ARL15: variants seen among roughly 807,000 people sequenced by gnomAD.
ARL15 encodes the protein ADP-ribosylation factor-like protein 15.
Under a neutral mutation model 25.2 loss-of-function variants are expected in ARL15, and 19 were observed. The ratio of observed to expected loss-of-function variants is 0.75; its 90% confidence interval spans 0.53 to 1.10. The LOEUF (loss-of-function observed/expected upper bound fraction) is 1.10, where lower values mean the gene tolerates loss of function less well. Among genes scored for constraint, ARL15 ranks in the 50% least tolerant of loss-of-function variants. The pLI is 0.00. For synonymous variants in ARL15, 94 were observed against 86.8 expected (o/e 1.08, Z -0.46); for missense variants, 220 against 246.0 (o/e 0.89, Z 0.71).
chr5:54,305,624 T>A (rs1758736521), intron 1 of ARL15, among the ~76,000 whole-genome samples: 1 of 152,208 alleles, frequency 6.6e-6, no homozygotes, highest in African/African-American at 2.4e-5. Context: ...TTTTTTCCTA[T>A]ACACACACAC....
At chr5:54,073,625 T>A (rs752439607) in intron 4 of ARL15, among the ~76,000 whole-genome samples, 6 of 152,226 alleles carry the variant, frequency 3.9e-5, no homozygotes, top group Non-Finnish European at 7.3e-5. Flanking sequence ...TGTCTCCTTA[T>A]AAAAGGAAAA....
At chr5:53,941,520 G>A (rs1257219581) in intron 4 of ARL15, among the ~76,000 whole-genome samples, 1 of 152,138 alleles carries the variant, frequency 6.6e-6, no homozygotes, top group Non-Finnish European at 1.5e-5. Context: ...TAGGGCTTTG[G>A]CTAAGTACAT....
intron 2 of ARL15, among the ~76,000 whole-genome samples, chr5:54,158,751 T>C (rs1754315160): frequency 6.6e-6 from 1 of 152,128 alleles, no homozygotes; most frequent in South Asian, 2.1e-4. Flanking sequence ...CAGATGCCTG[T>C]AATCCCAGCT....
At chr5:54,284,325 G>C (rs557918346) in intron 1 of ARL15, among the ~76,000 whole-genome samples, 3 of 152,168 alleles carry the variant, frequency 2.0e-5, no homozygotes, top group Admixed American at 6.5e-5. Flanking sequence ...GGCTGGTCTC[G>C]AACTCCTGAG....
At chr5:54,310,384 G>A (rs1221854072) in intron 1 of ARL15, 48 bp downstream of exon 1, 3 of 1,583,502 alleles carry the variant, frequency 1.9e-6, no homozygotes, top group Middle Eastern at 3.3e-4. Context: ...GGGCCATCGG[G>A]CACGCCGAGA....
rs140638982 is a variant in ARL15 at position 54,029,954 on chromosome 5, G to A, written c.462+83248C>T. On this transcript the variant is annotated intron_variant, in intron 4 of 4. Transcript: ENST00000504924. The stretch of plus-strand genomic sequence containing the variant: ...AGAGCTTGCAGTGAGCAGAGATAGC[G>A]CCACTGCACTCCAGCCTGGGTGACA... Among the ~76,000 whole-genome samples, 1,442 of 152,062 alleles carry A rather than the reference G, an allele frequency of 9.5e-3. 9 individuals are homozygous for A. Among genetic ancestry groups the A allele is most frequent in the Admixed American group, 0.016 (244 of 15,266 alleles).
rs184749464 is a variant in ARL15, at chr5:53,989,072, G to A, written c.463-102359C>T. ...TATAACAGGATTTGGGGAGGAGAAT[G>A]GATAATTGAAAGAGTCCAGACTATG... On this transcript the variant is annotated intron_variant, in intron 4 of 4. Coordinates refer to ENST00000504924, the MANE Select transcript of ARL15 (RefSeq NM_019087.3). Among the ~76,000 whole-genome samples, 31 of 152,222 alleles carry A rather than the reference G, an allele frequency of 2.0e-4. 1 individual carries two copies. Among genetic ancestry groups the A allele is most frequent in the African/African-American group, 7.2e-4 (30 of 41,546 alleles).
intron 4 of ARL15, among the ~76,000 whole-genome samples, chr5:53,953,281 A>ACCTT (rs1747038653): frequency 6.6e-6 from 1 of 152,120 alleles, no homozygotes; most frequent in African/African-American, 2.4e-5. Flanking sequence ...GATTCTACCT[A>ACCTT]CCTCTGAAGA....
chr5:54,084,885 C>T (rs112970381), intron 4 of ARL15, among the ~76,000 whole-genome samples: 5 of 152,082 alleles, frequency 3.3e-5, no homozygotes, highest in African/African-American at 9.7e-5. Context: ...ACTAAAGGGA[C>T]AAACATGATA....
intron 4 of ARL15, among the ~76,000 whole-genome samples, chr5:54,087,307 G>A (rs1014629116): frequency 7.2e-5 from 11 of 151,860 alleles, no homozygotes; most frequent in African/African-American, 2.7e-4. Flanking sequence ...CAGCCTGGGC[G>A]ACAGAGCGAG....
intron 4 of ARL15, among the ~76,000 whole-genome samples, chr5:53,954,211 A>G (rs995868770): frequency 3.3e-5 from 5 of 152,146 alleles, no homozygotes; most frequent in African/African-American, 1.2e-4. Flanking sequence ...TCTGGATAAA[A>G]CATTTGAAGA....
intron 1 of ARL15, among the ~76,000 whole-genome samples, chr5:54,225,795 A>G (rs1329080283): frequency 6.6e-6 from 1 of 152,152 alleles, no homozygotes; most frequent in Non-Finnish European, 1.5e-5. Context: ...TGTGAGAAGT[A>G]GGCTGGAAAT....
At chr5:54,159,794 GC>G (rs766388907) in intron 2 of ARL15, among the ~76,000 whole-genome samples, 138 of 152,212 alleles carry the variant, frequency 9.1e-4, no homozygotes, top group Non-Finnish European at 1.4e-3. Context: ...TGTTTGCATA[GC>G]CTTTCAGTCT....
At chr5:53,989,915 C>T (rs966893983) in intron 4 of ARL15, among the ~76,000 whole-genome samples, 6 of 152,038 alleles carry the variant, frequency 3.9e-5, no homozygotes, top group East Asian at 1.9e-4. Flanking sequence ...GTAATTAGCA[C>T]GTTGGGAGGC....
intron 1 of ARL15, among the ~76,000 whole-genome samples, chr5:54,283,768 T>C (rs1758118623): frequency 6.6e-6 from 1 of 152,240 alleles, no homozygotes; most frequent in South Asian, 2.1e-4. Flanking sequence ...ATAACTCTTA[T>C]TTTATGCCAC....
chr5:54,001,620 T>C (rs1273822594), intron 4 of ARL15, among the ~76,000 whole-genome samples: 1 of 152,218 alleles, frequency 6.6e-6, no homozygotes, highest in Non-Finnish European at 1.5e-5. Flanking sequence ...TTCTTTTAAC[T>C]TTTTGTTAAA....
chr5:54,218,985 GTT>G (rs61665897), intron 1 of ARL15, among the ~76,000 whole-genome samples: 42,624 of 146,956 alleles, frequency 0.29, 6,768 homozygotes, highest in Middle Eastern at 0.41. Context: ...TGCTACTGCT[GTT>G]TTTTTTTTTT....
intron 3 of ARL15, among the ~76,000 whole-genome samples, chr5:54,142,924 T>C (rs1753812513): frequency 6.6e-6 from 1 of 152,234 alleles, no homozygotes; most frequent in South Asian, 2.1e-4. Context: ...TCCATTTTGA[T>C]TCATGACACA....
intron 1 of ARL15, among the ~76,000 whole-genome samples, chr5:54,183,480 T>C (rs255685): frequency 0.19 from 24,204 of 129,992 alleles, 2,807 homozygotes; most frequent in East Asian, 0.69. Flanking sequence ...TGAACCAGCC[T>C]TGCATCCCAG....
Sources: allele counts gnomAD v4.1 joint callset (sites outside exome capture counted in the v4.1 genomes callset), GRCh38; gene constraint gnomAD v4.1.1; transcripts MANE v1.5; gene names NCBI Gene and HGNC (gene_info 2026-07-23, HGNC 2026-07-21).